LRP1B: variants seen among roughly 807,000 people sequenced by gnomAD.
LRP1B encodes LDL receptor related protein 1B.
LRP1B carries 217 observed loss-of-function variants against 556.6 expected under a neutral mutation model. The ratio of observed to expected loss-of-function variants is 0.39; its 90% confidence interval spans 0.35 to 0.44. The LOEUF (loss-of-function observed/expected upper bound fraction) is 0.44, where lower values mean the gene tolerates loss of function less well. LRP1B is among the 20% of genes least tolerant of loss of function. The probability of loss-of-function intolerance (pLI) is 1.00; values close to 1 mark genes in which losing one functional copy is unlikely to be tolerated. For synonymous variants in LRP1B, 2,047 were observed against 1,865.8 expected (o/e 1.10, Z -2.50); for missense variants, 5,053 against 5,620.8 (o/e 0.90, Z 3.23).
At chr2:141,922,749 T>C (rs1004997763) in intron 1 of LRP1B, among the ~76,000 whole-genome samples, 1 of 152,114 alleles carries the variant, frequency 6.6e-6, no homozygotes. Context: ...GTCACACATA[T>C]TTCACTGAGA....
chr2:141,112,685 C>T (rs537420544), intron 7 of LRP1B, among the ~76,000 whole-genome samples: 1 of 151,982 alleles, frequency 6.6e-6, no homozygotes, highest in East Asian at 1.9e-4. Flanking sequence ...ATGTTGTGAC[C>T]AGAAGCCTGC....
At chr2:142,054,094 G>C (rs1042520212) in intron 1 of LRP1B, among the ~76,000 whole-genome samples, 1 of 151,990 alleles carries the variant, frequency 6.6e-6, no homozygotes, top group African/African-American at 2.4e-5. Flanking sequence ...ATTTTTATAA[G>C]GGCAAATATG....
intron 41 of LRP1B, among the ~76,000 whole-genome samples, chr2:140,614,961 G>T (rs1683206257): frequency 6.6e-6 from 1 of 152,126 alleles, no homozygotes; most frequent in Non-Finnish European, 1.5e-5. Flanking sequence ...AGCTATCTAT[G>T]GGAAGAATTT....
chr2:140,871,505 C>G (rs555043452), intron 25 of LRP1B, among the ~76,000 whole-genome samples: 1 of 152,122 alleles, frequency 6.6e-6, no homozygotes, highest in East Asian at 1.9e-4. Flanking sequence ...TTTTATGAAG[C>G]AAACGTGAAT....
At chr2:142,057,159 A>C (rs960948700) in intron 1 of LRP1B, among the ~76,000 whole-genome samples, 2 of 152,086 alleles carry the variant, frequency 1.3e-5, no homozygotes, top group African/African-American at 4.8e-5. Context: ...CGTTTAACCA[A>C]CCTCAACCAC....
chr2:141,923,481 T>TGA (rs1700250480), intron 1 of LRP1B, among the ~76,000 whole-genome samples: 1 of 120,692 alleles, frequency 8.3e-6, no homozygotes, highest in Admixed American at 9.4e-5. Flanking sequence ...TGTGTGTGTG[T>TGA]GTGTGTAGAG....
chr2:141,672,068 T>C (rs575206462), intron 2 of LRP1B, among the ~76,000 whole-genome samples: 1 of 152,038 alleles, frequency 6.6e-6, no homozygotes, highest in African/African-American at 2.4e-5. Context: ...AAGAAAAGTA[T>C]AGGGTGGGAG....
intron 41 of LRP1B, among the ~76,000 whole-genome samples, chr2:140,620,851 A>T (rs1309951534): frequency 6.6e-6 from 1 of 152,178 alleles, no homozygotes; most frequent in African/African-American, 2.4e-5. Context: ...TTGCAGATAT[A>T]ACAATTATCC....
At chr2:141,397,790 T>C (rs1028284997) in intron 3 of LRP1B, among the ~76,000 whole-genome samples, 4 of 150,716 alleles carry the variant, frequency 2.7e-5, no homozygotes, top group African/African-American at 2.4e-5. Flanking sequence ...TATGTATATA[T>C]ACATTTTTAT....
At chr2:141,967,967 T>C (rs1701608894) in intron 1 of LRP1B, among the ~76,000 whole-genome samples, 1 of 151,866 alleles carries the variant, frequency 6.6e-6, no homozygotes, top group South Asian at 2.1e-4. Context: ...AAAAAAAGTA[T>C]TAAATCAGAA....
At chr2:141,639,363 C>CACAT (rs1458252676) in intron 2 of LRP1B, among the ~76,000 whole-genome samples, 1 of 66,078 alleles carries the variant, frequency 1.5e-5, no homozygotes, top group African/African-American at 4.5e-5. Flanking sequence ...CACACACACA[C>CACAT]ATATATATAT....
At chr2:140,876,439 T>C (rs1175851733) in intron 25 of LRP1B, among the ~76,000 whole-genome samples, 1 of 152,194 alleles carries the variant, frequency 6.6e-6, no homozygotes, top group African/African-American at 2.4e-5. Context: ...TCATTTGTAA[T>C]AGGACACAAT....
At chr2:141,848,339 T>C (rs547429248) in intron 1 of LRP1B, among the ~76,000 whole-genome samples, 4 of 151,628 alleles carry the variant, frequency 2.6e-5, no homozygotes, top group East Asian at 1.9e-4. Flanking sequence ...TGAAATATTA[T>C]GCTGGGACAC....
At position 140,595,755 on chromosome 2, in the gene LRP1B, C is replaced by T. The variant is rs939899972; in HGVS notation, c.7194+2876G>A. On this transcript the variant is annotated intron_variant, in intron 43 of 90. Coordinates refer to ENST00000389484, the MANE Select transcript of LRP1B (RefSeq NM_018557.3). Reference sequence around the variant, plus strand: ...AAACATGCACATGTACTCCCTGAATCTAAAATAAAATTACATTTTTAAAAA... The same window carrying T: ...AAACATGCACATGTACTCCCTGAATTTAAAATAAAATTACATTTTTAAAAA... 7.5e-4 allele frequency among the ~76,000 whole-genome samples: 114 copies of T among 152,096 alleles called. 1 individual carries two copies. The highest frequency in any genetic ancestry group is 2.6e-3 in the African/African-American group (109 of 41,514).
At chr2:141,671,499 T>C (rs1690665519) in intron 2 of LRP1B, among the ~76,000 whole-genome samples, 1 of 152,172 alleles carries the variant, frequency 6.6e-6, no homozygotes. Flanking sequence ...CCTGGAGTTA[T>C]CCTTATCCAA....
chr2:142,123,687 AC>A (rs1234387322), intron 1 of LRP1B, among the ~76,000 whole-genome samples: 4 of 151,240 alleles, frequency 2.6e-5, no homozygotes, highest in African/African-American at 9.7e-5. Context: ...TTTTCTCTTA[AC>A]AAAGTTGGAA....
chr2:142,003,241 T>C (rs1702708499), intron 1 of LRP1B, among the ~76,000 whole-genome samples: 2 of 152,226 alleles, frequency 1.3e-5, no homozygotes, highest in South Asian at 2.1e-4. Context: ...TGTTAGCATA[T>C]AATTGTTTAA....
In LRP1B at chr2:141,733,462, G is replaced by T. The variant is rs999993853; in HGVS notation, c.205+76817C>A. ...TATAGCCTTCCAGCTTCTTGTCTGT[G>T]GTCTTACATCCTTTAATCCATCATC... On this transcript the variant is annotated intron_variant, in intron 2 of 90. Coordinates refer to ENST00000389484, the MANE Select transcript of LRP1B (RefSeq NM_018557.3). Among the ~76,000 whole-genome samples the T allele has an allele frequency of 1.3e-4, 20 of 151,928 alleles. 1 individual carries two copies. The highest frequency in any genetic ancestry group is 4.8e-4 in the African/African-American group (20 of 41,394).
chr2:140,319,170 G>A (rs1360079494), intron 82 of LRP1B, among the ~76,000 whole-genome samples: 1 of 152,074 alleles, frequency 6.6e-6, no homozygotes, highest in South Asian at 2.1e-4. Context: ...GGAGGATTAT[G>A]TAGAAGAGGT....
Sources: allele counts gnomAD v4.1 joint callset (sites outside exome capture counted in the v4.1 genomes callset), GRCh38; gene constraint gnomAD v4.1.1; transcripts MANE v1.5; gene names NCBI Gene and HGNC (gene_info 2026-07-23, HGNC 2026-07-21).